Variants in SLC24A3 observed in about 807,000 individuals in gnomAD.
The protein encoded by SLC24A3 is solute carrier family 24 member 3.
Under a neutral mutation model 75.8 loss-of-function variants are expected in SLC24A3, and 28 were observed. The observed-to-expected ratio is 0.37, with a 90% CI of 0.27 to 0.51. SLC24A3 has a LOEUF of 0.51. SLC24A3 is among the 20% of genes least tolerant of loss of function. The pLI, the probability that SLC24A3 is intolerant of heterozygous loss-of-function variation, is 0.94. For synonymous variants in SLC24A3, 372 were observed against 334.1 expected (o/e 1.11, Z -1.24); for missense variants, 663 against 847.8 (o/e 0.78, Z 2.71).
At chr20:19,711,672 ACT>A (rs941610022) in intron 15 of SLC24A3, among the ~76,000 whole-genome samples, 6 of 151,126 alleles carry the variant, frequency 4.0e-5, no homozygotes, top group Non-Finnish European at 7.4e-5. Flanking sequence ...CAAGAGTTTC[ACT>A]CTGTCGCCAG....
chr20:19,688,242 G>A (rs573662742), intron 12 of SLC24A3, among the ~76,000 whole-genome samples: 12 of 152,284 alleles, frequency 7.9e-5, no homozygotes, highest in East Asian at 5.8e-4. Context: ...TGACACTGAC[G>A]CTGCTGGTCT....
intron 8 of SLC24A3, among the ~76,000 whole-genome samples, chr20:19,671,700 A>C (rs1254852392): frequency 6.6e-6 from 1 of 152,028 alleles, no homozygotes; most frequent in Non-Finnish European, 1.5e-5. Context: ...ATAAGAATGA[A>C]GAATTCTGTT....
intron 1 of SLC24A3, among the ~76,000 whole-genome samples, chr20:19,278,142 C>A (rs557030832): frequency 6.6e-6 from 1 of 152,358 alleles, no homozygotes; most frequent in African/African-American, 2.4e-5. Context: ...ATCCATGTGG[C>A]AGATTAGAAA....
At chr20:19,713,747 C>T (rs1053182875) in intron 15 of SLC24A3, among the ~76,000 whole-genome samples, 1 of 152,160 alleles carries the variant, frequency 6.6e-6, no homozygotes, top group African/African-American at 2.4e-5. Flanking sequence ...AGGCCCTGTT[C>T]AACAGTTTTA....
intron 2 of SLC24A3, among the ~76,000 whole-genome samples, chr20:19,426,249 C>A (rs997720869): frequency 1.6e-4 from 25 of 152,296 alleles, no homozygotes; most frequent in Admixed American, 1.1e-3. Flanking sequence ...ACAATATACA[C>A]AAGGTTGTTT....
At chr20:19,434,923 C>T (rs1987171869) in intron 2 of SLC24A3, among the ~76,000 whole-genome samples, 1 of 152,124 alleles carries the variant, frequency 6.6e-6, no homozygotes. Context: ...TAACAATTGA[C>T]AGTTATCTTG....
At chr20:19,707,976 G>C (rs1204372233) in intron 15 of SLC24A3, among the ~76,000 whole-genome samples, 1 of 152,166 alleles carries the variant, frequency 6.6e-6, no homozygotes, top group African/African-American at 2.4e-5. Context: ...AAGAAGGTAA[G>C]TGTAGATAGA....
chr20:19,543,852 G>A (rs1387493039), intron 3 of SLC24A3, among the ~76,000 whole-genome samples: 1 of 152,200 alleles, frequency 6.6e-6, no homozygotes, highest in African/African-American at 2.4e-5. Flanking sequence ...ATTTATGGCT[G>A]TAAAGAATGA....
chr20:19,589,206 G>A (rs2031339524), intron 6 of SLC24A3, among the ~76,000 whole-genome samples: 1 of 152,250 alleles, frequency 6.6e-6, no homozygotes, highest in African/African-American at 2.4e-5. Context: ...GGAAGAGAAA[G>A]CAGTGGAGGA....
intron 2 of SLC24A3, among the ~76,000 whole-genome samples, chr20:19,424,846 A>AAT (rs1164752191): frequency 6.6e-6 from 1 of 151,644 alleles, no homozygotes; most frequent in Non-Finnish European, 1.5e-5. Context: ...TATGGAATTG[A>AAT]ACACTGAAAA....
rs561174440 is a variant in SLC24A3, at chr20:19,446,840, G to A, written c.272-68648G>A. 1.3e-4 allele frequency among the ~76,000 whole-genome samples: 20 copies of A among 152,304 alleles called. No homozygotes were observed. In the East Asian group the frequency reaches 1.3e-3, roughly 10 times the overall value. On this transcript the variant is annotated intron_variant, in intron 2 of 16. Coordinates refer to ENST00000328041, the MANE Select transcript of SLC24A3 (RefSeq NM_020689.4). ...GGAGCCTCTGCCAAAAGGCTTTCGC[G>A]TGCACCTGCAGTGCTCGTCGTCAGC...
intron 2 of SLC24A3, among the ~76,000 whole-genome samples, chr20:19,394,389 T>C (rs1986416608): frequency 6.6e-6 from 1 of 152,040 alleles, no homozygotes; most frequent in African/African-American, 2.4e-5. Context: ...CTTTCACCAA[T>C]TAAAAAACAC....
chr20:19,629,025 T>C (rs1015503865), intron 6 of SLC24A3, among the ~76,000 whole-genome samples: 3 of 151,206 alleles, frequency 2.0e-5, no homozygotes, highest in Non-Finnish European at 4.4e-5. Flanking sequence ...AAGGAAAAAA[T>C]AAATTAATAA....
chr20:19,502,392 A>T (rs967638689), intron 2 of SLC24A3, among the ~76,000 whole-genome samples: 1 of 152,158 alleles, frequency 6.6e-6, no homozygotes, highest in African/African-American at 2.4e-5. Flanking sequence ...GAAAGCGGAT[A>T]TGTCAGCTGC....
At chr20:19,630,294 C>A (rs372302669) in intron 6 of SLC24A3, among the ~76,000 whole-genome samples, 1 of 152,270 alleles carries the variant, frequency 6.6e-6, no homozygotes, top group South Asian at 2.1e-4. Context: ...GTTTAATAAT[C>A]ACATTAATAA....
intron 3 of SLC24A3, among the ~76,000 whole-genome samples, chr20:19,526,846 T>G (rs115794824): frequency 0.017 from 2,649 of 152,306 alleles, 77 homozygotes; most frequent in African/African-American, 0.058. Context: ...TAGGGCTGTC[T>G]GCGTGAGAAT....
intron 6 of SLC24A3, among the ~76,000 whole-genome samples, chr20:19,650,419 C>T (rs2032188570): frequency 6.6e-6 from 1 of 152,192 alleles, no homozygotes. Flanking sequence ...ACGCAACCCA[C>T]TCTAGAAAGC....
intron 2 of SLC24A3, among the ~76,000 whole-genome samples, chr20:19,435,026 CA>C (rs1396154566): frequency 6.6e-6 from 1 of 152,230 alleles, no homozygotes. Flanking sequence ...AGGTGCTCTG[CA>C]TATCTTTGGA....
chr20:19,595,136 C>T (rs1325676830), intron 6 of SLC24A3, among the ~76,000 whole-genome samples: 1 of 152,170 alleles, frequency 6.6e-6, no homozygotes, highest in Non-Finnish European at 1.5e-5. Flanking sequence ...CCAAGGGCAA[C>T]AGGAAGAGGC....
Sources: allele counts gnomAD v4.1 joint callset (sites outside exome capture counted in the v4.1 genomes callset), GRCh38; gene constraint gnomAD v4.1.1; transcripts MANE v1.5; gene names NCBI Gene and HGNC (gene_info 2026-07-23, HGNC 2026-07-21).